The following LAMA3 variants were observed in gnomAD, a reference collection of about 807,000 sequenced individuals.
LAMA3 encodes the protein laminin subunit alpha-3.
In LAMA3, 281 loss-of-function variants were observed where a neutral mutation model predicts 402.0. The observed-to-expected ratio is 0.70, with a 90% CI of 0.63 to 0.77. The LOEUF is 0.77. Among genes scored for constraint, LAMA3 ranks in the 30% least tolerant of loss-of-function variants. The pLI is 0.00. For synonymous variants in LAMA3, 1,431 were observed against 1,558.4 expected, an observed-to-expected ratio of 0.92 and a Z score of 1.93; for missense variants, 3,840 against 4,215.5, an observed-to-expected ratio of 0.91 and a Z score of 2.47.
intron 62 of LAMA3, among the ~76,000 whole-genome samples, chr18:23,926,834 A>G (rs2082017258): frequency 6.6e-6 from 1 of 152,260 alleles, no homozygotes; most frequent in Admixed American, 6.5e-5. Context: ...AATTGCTCTC[A>G]TTATATAAGA....
At chr18:23,800,236 C>T (rs181627597) in intron 12 of LAMA3, among the ~76,000 whole-genome samples, 5 of 152,262 alleles carry the variant, frequency 3.3e-5, no homozygotes, top group African/African-American at 9.6e-5. Flanking sequence ...TGTATACAAT[C>T]GAAAATACAC....
rs187429607 is a variant in LAMA3 at position 23,820,901 on chromosome 18, T to C, written c.2304+904T>C. ...CCTCATTGATTCTAATGCTGTTTTT[T>C]ACCTGGCCAAAGTCCCCCATCCAAG... On this transcript the variant is annotated intron_variant, in intron 19 of 74. Coordinates refer to ENST00000313654, the MANE Select transcript of LAMA3 (RefSeq NM_198129.4). Among the ~76,000 whole-genome samples the C allele has an allele frequency of 7.7e-3, 1,168 of 152,298 alleles. 12 individuals are homozygous for C. The highest frequency in any genetic ancestry group is 0.066 in the South Asian group (315 of 4,804).
intron 32 of LAMA3, among the ~76,000 whole-genome samples, chr18:23,856,090 T>G (rs2064072424): frequency 6.6e-6 from 1 of 152,224 alleles, no homozygotes; most frequent in East Asian, 1.9e-4. Context: ...TACCTCCATT[T>G]TTACAGATGA....
Position 23,753,778 on chromosome 18 carries a change from G to A in LAMA3, c.913G>A (p.Ala305Thr). 6.2e-7 allele frequency: 1 copy of A among 1,613,902 alleles called. No individual in the cohort carries two copies. The highest frequency in any genetic ancestry group is 8.5e-7 in the Non-Finnish European group (1 of 1,179,798). ...TGGGCAGTGTGTTTGCAATGGCCAT[G>A]CTGAAGTGTGCAATATAAACAATCC... Reference protein sequence around the residue: ...IGGQCVCNGHAEVCNINNPEK... With the variant: ...IGGQCVCNGHTEVCNINNPEK... Residue 305 changes from alanine to threonine, a missense_variant, in exon 6 of 75, where the codon GCT becomes ACT. This residue lies in a region of LAMA3 where 2,109 missense variants were observed against 2,376.0 expected (regional missense o/e 0.89). Coordinates refer to ENST00000313654, the MANE Select transcript of LAMA3 (RefSeq NM_198129.4).
intron 42 of LAMA3, among the ~76,000 whole-genome samples, chr18:23,891,203 A>G (rs183300864): frequency 2.9e-3 from 436 of 152,272 alleles, no homozygotes; most frequent in Middle Eastern, 6.8e-3. Context: ...ATGGTAAATG[A>G]TTTTTAGGCT....
chr18:23,829,997 C>T (rs560781896), intron 23 of LAMA3, among the ~76,000 whole-genome samples: 5 of 152,276 alleles, frequency 3.3e-5, no homozygotes, highest in African/African-American at 1.2e-4. Context: ...TGGCCGCTGT[C>T]TCCTATGGCA....
chr18:23,953,205 G>A lies in LAMA3; in HGVS notation c.9856+96G>A, dbSNP rs2082982169. On this transcript the variant is annotated intron_variant, in intron 74 of 74. Transcript: ENST00000313654. Reference sequence around the variant, plus strand: ...GCAGGGCAGCTCTTGGCTGGACAGTGGAGATGGTGAGGCCCTTTGCACTGG... The same window carrying A: ...GCAGGGCAGCTCTTGGCTGGACAGTAGAGATGGTGAGGCCCTTTGCACTGG... The A allele has an allele frequency of 4.6e-6, 7 of 1,525,162 alleles. No homozygotes were observed. The Admixed American group carries it at 6.7e-5, about 15-fold the overall frequency. 94.5% of individuals were successfully genotyped at this position (1,525,162 alleles called of 1,614,324 possible). A position where few individuals can be genotyped will look rare whatever the true frequency, so the allele number is the denominator to read the frequency against.
intron 2 of LAMA3, among the ~76,000 whole-genome samples, chr18:23,729,038 A>C (rs1449821594): frequency 6.6e-6 from 1 of 151,634 alleles, no homozygotes; most frequent in East Asian, 1.9e-4. Flanking sequence ...CTCAAAAAAA[A>C]AAAAAAAAAA....
chr18:23,890,616 C>A (rs554617813), intron 42 of LAMA3, among the ~76,000 whole-genome samples: 1 of 152,072 alleles, frequency 6.6e-6, no homozygotes, highest in Non-Finnish European at 1.5e-5. Flanking sequence ...TTATTAGGAG[C>A]AACTTGGAAC....
chr18:23,833,319 T>C (rs1235229571), intron 23 of LAMA3, among the ~76,000 whole-genome samples: 1 of 152,204 alleles, frequency 6.6e-6, no homozygotes, highest in Non-Finnish European at 1.5e-5. Flanking sequence ...ACAGTCCTTA[T>C]TAACACTCCT....
chr18:23,756,491 C>T (rs546179258), intron 6 of LAMA3, among the ~76,000 whole-genome samples: 2 of 134,896 alleles, frequency 1.5e-5, no homozygotes, highest in African/African-American at 5.6e-5. Context: ...AACCCCACAA[C>T]CCAAACCCAA....
At chr18:23,912,408 A>G (rs147804668) in intron 55 of LAMA3, among the ~76,000 whole-genome samples, 113 of 152,264 alleles carry the variant, frequency 7.4e-4, no homozygotes, top group African/African-American at 2.4e-3. Flanking sequence ...GTTGTAATTC[A>G]TATTATTGTC....
chr18:23,739,964 T>C (rs191833757), intron 2 of LAMA3, among the ~76,000 whole-genome samples: 1 of 152,354 alleles, frequency 6.6e-6, no homozygotes, highest in East Asian at 1.9e-4. Context: ...GAATTTTCTT[T>C]GTTCTGTAAA....
At chr18:23,803,033 C>A (rs1039556546) in intron 12 of LAMA3, among the ~76,000 whole-genome samples, 1 of 152,154 alleles carries the variant, frequency 6.6e-6, no homozygotes, top group Non-Finnish European at 1.5e-5. Flanking sequence ...CTGCTGCATT[C>A]CATTTGTTGT....
intron 2 of LAMA3, among the ~76,000 whole-genome samples, chr18:23,728,471 G>A (rs2061335541): frequency 6.6e-6 from 1 of 152,174 alleles, no homozygotes; most frequent in Non-Finnish European, 1.5e-5. Context: ...TCCAGCATCT[G>A]TTCCCTCTCC....
At chr18:23,833,109 A>G (rs754077139) in intron 23 of LAMA3, among the ~76,000 whole-genome samples, 20 of 152,200 alleles carry the variant, frequency 1.3e-4, no homozygotes, top group Non-Finnish European at 2.2e-4. Context: ...GCTCCTAACC[A>G]GTAGGTGATA....
chr18:23,951,599 C>G, intron 72 of LAMA3, 85 bp from the exon 73 acceptor site: 1 of 1,048,484 alleles, frequency 9.5e-7, no homozygotes, highest in Non-Finnish European at 1.5e-6. Context: ...TGTCAGTTGG[C>G]CCGGTTTGGG....
chr18:23,812,900 CCTGA>C (rs111372354), intron 13 of LAMA3, among the ~76,000 whole-genome samples, 153 bp from the exon 14 acceptor site: 211 of 152,272 alleles, frequency 1.4e-3, no homozygotes, highest in African/African-American at 4.6e-3. Context: ...ATTCAAGATG[CCTGA>C]CTATGAATTG....
intron 42 of LAMA3, among the ~76,000 whole-genome samples, chr18:23,890,901 G>A (rs1271797448): frequency 6.6e-6 from 1 of 152,100 alleles, no homozygotes; most frequent in Non-Finnish European, 1.5e-5. Context: ...TTTTTTATTT[G>A]GATGGAAATA....
Sources: gnomAD v4.1 joint callset for allele counts (sites outside exome capture counted in the v4.1 genomes callset) on GRCh38, gnomAD v4.1.1 for gene constraint, gnomAD v4.1.1 regional missense constraint, MANE v1.5 for transcripts, NCBI Gene and HGNC (gene_info 2026-07-23, HGNC 2026-07-21) for gene names.